Variants in KPNA7 observed in about 807,000 individuals in gnomAD.
The protein encoded by KPNA7 is karyopherin subunit alpha 7, also known as importin subunit alpha-8.
A neutral mutation model predicts 53.7 loss-of-function variants in KPNA7; 54 were observed. That is an observed-to-expected ratio of 1.01 (90% CI 0.81 to 1.26). The LOEUF is 1.26. KPNA7 is among the 50% of genes most tolerant of loss of function. The pLI is 0.00. For missense variants in KPNA7, 640 were observed against 644.5 expected (o/e 0.99, Z 0.07); for synonymous variants, 276 against 259.3 (o/e 1.06, Z -0.62).
At chr7:99,164,954 G>A in the KPNA7 span, among the ~76,000 whole-genome samples, 26 of 149,820 alleles carry the variant, frequency 1.7e-4, no homozygotes, top group South Asian at 1.0e-3. Context: ...AAAAGTAGCC[G>A]GGTATGGCAG....
the KPNA7 span, among the ~76,000 whole-genome samples, chr7:99,160,849 G>A: frequency 9.9e-5 from 15 of 151,896 alleles, no homozygotes; most frequent in East Asian, 3.9e-4. Flanking sequence ...CAAGGTTATC[G>A]TATAGCAGAG....
chr7:99,205,507 C>T (rs1790763477), intron 2 of KPNA7, among the ~76,000 whole-genome samples: 1 of 151,532 alleles, frequency 6.6e-6, no homozygotes, highest in African/African-American at 2.4e-5. Context: ...CCTAATCAGG[C>T]TTCTGGATTC....
chr7:99,149,735 G>A, the KPNA7 span, among the ~76,000 whole-genome samples: 1 of 152,170 alleles, frequency 6.6e-6, no homozygotes, highest in Admixed American at 6.6e-5. Flanking sequence ...AATCTTCTCT[G>A]TCTAGGATCT....
At chr7:99,168,071 C>T in the KPNA7 span, among the ~76,000 whole-genome samples, 2 of 151,370 alleles carry the variant, frequency 1.3e-5, no homozygotes, top group Non-Finnish European at 2.9e-5. Context: ...GCCTTGGCAC[C>T]AAGTCTAAAA....
chr7:99,177,724 AG>A (rs1214464050), intron 10 of KPNA7, among the ~76,000 whole-genome samples, 195 bp downstream of exon 10: 1 of 152,104 alleles, frequency 6.6e-6, no homozygotes, highest in Non-Finnish European at 1.5e-5. Context: ...CCAGGCACCA[AG>A]ATGTCACTAC....
rs1584318844 is a variant in KPNA7, at chr7:99,207,397, TCA to T, written c.66+2_66+3del. The T allele has an allele frequency of 3.2e-6, 5 of 1,551,256 alleles. No individual in the cohort carries two copies. In the South Asian group the frequency reaches 4.8e-5, roughly 15 times the overall value. On this transcript the variant is annotated splice_donor_variant and splice_donor_region_variant and intron_variant, in intron 2 of 10. Coordinates refer to ENST00000327442, the MANE Select transcript of KPNA7 (RefSeq NM_001145715.3). LOFTEE classifies it high-confidence loss of function. The stretch of plus-strand genomic sequence containing the variant: ...ATAGAAGCAGGTGGGTGCTTCATAC[TCA>T]CAGACACATCTTTGCCTCGGTACTT...
At chr7:99,199,936 G>T (rs184486895) in intron 3 of KPNA7, among the ~76,000 whole-genome samples, 3 of 149,480 alleles carry the variant, frequency 2.0e-5, no homozygotes, top group East Asian at 3.9e-4. Flanking sequence ...TTTTTTTGGT[G>T]GGGGGACACA....
chr7:99,216,312 A>G (rs913425202), intron 1 of KPNA7, among the ~76,000 whole-genome samples: 20 of 152,070 alleles, frequency 1.3e-4, no homozygotes, highest in Non-Finnish European at 2.6e-4. Context: ...TACAGATATG[A>G]GCCACTGCAC....
the KPNA7 span, among the ~76,000 whole-genome samples, chr7:99,155,139 G>T: frequency 6.6e-6 from 1 of 152,156 alleles, no homozygotes; most frequent in African/African-American, 2.4e-5. Flanking sequence ...GAGGAGTTAG[G>T]TGACTAACAC....
At chr7:99,185,426 A>G (rs1244959351) in intron 7 of KPNA7, among the ~76,000 whole-genome samples, 2 of 152,134 alleles carry the variant, frequency 1.3e-5, no homozygotes, top group African/African-American at 4.8e-5. Context: ...AGCTCACTGC[A>G]GCCTTCAACT....
chr7:99,169,417 C>A (rs1256268235), downstream of KPNA7, among the ~76,000 whole-genome samples: 3 of 150,196 alleles, frequency 2.0e-5, no homozygotes, highest in Non-Finnish European at 4.4e-5. Context: ...GTCAGGAGTT[C>A]AAGACCAGCC....
At chr7:99,175,303 G>T (rs1051273904) in intron 10 of KPNA7, among the ~76,000 whole-genome samples, 19 of 151,748 alleles carry the variant, frequency 1.3e-4, no homozygotes, top group Non-Finnish European at 1.9e-4. Flanking sequence ...GTAGCCTCCC[G>T]AGTAACTGGG....
chr7:99,160,017 G>GTTTTTTTT, the KPNA7 span, among the ~76,000 whole-genome samples: 495 of 67,502 alleles, frequency 7.3e-3, 14 homozygotes, highest in East Asian at 0.023. Context: ...TGTTGTTTTT[G>GTTTTTTTT]TTTTTTTTTT....
chr7:99,175,583 T>C (rs1359081868), intron 10 of KPNA7, among the ~76,000 whole-genome samples: 2 of 151,996 alleles, frequency 1.3e-5, no homozygotes, highest in South Asian at 2.1e-4. Context: ...TGGCACCATC[T>C]TGGCTCACTG....
intron 2 of KPNA7, among the ~76,000 whole-genome samples, chr7:99,206,422 G>A (rs1790818730): frequency 6.6e-6 from 1 of 152,042 alleles, no homozygotes; most frequent in Non-Finnish European, 1.5e-5. Flanking sequence ...CTCCCAAAGT[G>A]CTGGAATTAC....
chr7:99,191,093 C>CT (rs1789924970), intron 6 of KPNA7, among the ~76,000 whole-genome samples: 1 of 152,022 alleles, frequency 6.6e-6, no homozygotes, highest in African/African-American at 2.4e-5. Flanking sequence ...TTCTTGCTGT[C>CT]TCCCTTTCAC....
the KPNA7 span, among the ~76,000 whole-genome samples, chr7:99,168,460 T>C: frequency 2.6e-5 from 4 of 152,174 alleles, no homozygotes; most frequent in Non-Finnish European, 5.9e-5. Flanking sequence ...GGGTAAATCC[T>C]GGCCCTGCTC....
intron 5 of KPNA7, 97 bp from the exon 6 acceptor site, chr7:99,193,198 A>G: frequency 1.5e-6 from 1 of 688,400 alleles, no homozygotes. Flanking sequence ...GCAAGAGACA[A>G]AAACTCATTC....
At chr7:99,200,039 A>G (rs1459926608) in intron 3 of KPNA7, among the ~76,000 whole-genome samples, 1 of 152,078 alleles carries the variant, frequency 6.6e-6, no homozygotes, top group Non-Finnish European at 1.5e-5. Context: ...AATAGCTGGG[A>G]CTACAGGTGC....
Sources: allele counts gnomAD v4.1 joint callset (sites outside exome capture counted in the v4.1 genomes callset), GRCh38; gene constraint gnomAD v4.1.1; transcripts MANE v1.5; gene names NCBI Gene and HGNC (gene_info 2026-07-23, HGNC 2026-07-21).